The following APC2 variants were observed in gnomAD, a reference collection of about 807,000 sequenced individuals.
APC2 encodes APC regulator of Wnt signaling pathway 2.
A neutral mutation model predicts 72.5 loss-of-function variants in APC2; 41 were observed. The ratio of observed to expected loss-of-function variants is 0.57; its 90% CI spans 0.44 to 0.73. The LOEUF is 0.73. APC2 is among the 30% of genes least tolerant of loss of function. APC2 has a pLI of 0.00. For missense variants in APC2, 3,729 were observed against 3,403.4 expected, an observed-to-expected ratio of 1.10 and a Z score of -2.38; for synonymous variants, 1,898 against 1,612.0, an observed-to-expected ratio of 1.18 and a Z score of -4.25.
chr19:1,466,762 A>G lies in APC2; in HGVS notation c.3461A>G (p.Glu1154Gly). ...PSSSSENYVQETPLVLSRCSS... is the reference protein window; with the variant it reads ...PSSSSENYVQGTPLVLSRCSS... ...AGCTCGTCGGAGAACTACGTGCAGGAGACACCGCTTGTGCTGAGCCGCTGC... is the reference window on the plus strand; with the variant it reads ...AGCTCGTCGGAGAACTACGTGCAGGGGACACCGCTTGTGCTGAGCCGCTGC... The change falls in exon 15 of 15, where the codon GAG (glutamate) becomes GGG (glycine). Residue 1154 changes from glutamate (E) to glycine (G), a missense_variant. Coordinates refer to ENST00000590469, the MANE Select transcript of APC2 (RefSeq NM_005883.3). 1 of 1,550,178 alleles carries G rather than the reference A, an allele frequency of 6.5e-7. No individual in the cohort carries two copies. The highest frequency in any genetic ancestry group is 8.7e-7 in the Non-Finnish European group (1 of 1,147,808).
chr19:1,469,508 C>T lies in APC2; in HGVS notation c.6207C>T (p.Gly2069=). 1 of 1,136,264 alleles carries T rather than the reference C, an allele frequency of 8.8e-7. No homozygotes were observed. Among genetic ancestry groups the T allele is most frequent in the Non-Finnish European group, 1.1e-6 (1 of 924,362 alleles). 70.4% of individuals were successfully genotyped at this position (1,136,264 alleles called of 1,614,324 possible). Residue 2069 remains glycine, a synonymous_variant, in exon 15 of 15, where the codon GGC becomes GGT. Coordinates refer to ENST00000590469, the MANE Select transcript of APC2 (RefSeq NM_005883.3). ...QRPPAARPSP[G]ERPARRTTSE... is the part of the protein sequence containing the mutation. ...CCCCCGCGGCCCGACCCAGCCCTGG[C>T]GAGCGCCCTGCCCGGCGCACCACCT...
intron 1 of APC2, chr19:1,451,394 C>G (rs528585421): frequency 6.5e-6 from 1 of 152,922 alleles, no homozygotes; most frequent in East Asian, 1.9e-4. Flanking sequence ...GGGGCTCGAG[C>G]CAGACCCCAG....
chr19:1,457,655 G>T, intron 9 of APC2: 1 of 521,346 alleles, frequency 1.9e-6, no homozygotes, highest in Non-Finnish European at 3.5e-6. Context: ...CTGAGATCAT[G>T]CTACTGCACT....
In APC2 at chr19:1,469,005, G is replaced by A. The variant is rs1279467487; in HGVS notation, c.5704G>A (p.Gly1902Ser). The A allele has an allele frequency of 1.3e-6, 2 of 1,554,422 alleles. No individual in the cohort carries two copies. The highest frequency in any genetic ancestry group is 8.7e-7 in the Non-Finnish European group (1 of 1,154,274). Residue 1902 changes from glycine to serine, a missense_variant, in exon 15 of 15, where the codon GGC becomes AGC. Transcript: ENST00000590469. ...CACCCAGGCTGCTGGGGCCCTGCCC[G>A]GCCCCGGAGCCTCCCCGGTGCCCAA... ...PVTQAAGALPGPGASPVPKTP... is the reference protein window; with the variant it reads ...PVTQAAGALPSPGASPVPKTP...
At chr19:1,456,738 A>T in intron 8 of APC2, 115 bp from the exon 9 acceptor site, 3 of 1,304,298 alleles carry the variant, frequency 2.3e-6, no homozygotes, top group Non-Finnish European at 2.1e-6. Context: ...TCTGTCCCCC[A>T]GGTGGGCGTG....
intron 9 of APC2, 158 bp downstream of exon 9, chr19:1,457,401 G>A (rs1221096947): frequency 2.7e-6 from 3 of 1,105,660 alleles, no homozygotes; most frequent in Non-Finnish European, 2.4e-6. Context: ...GGCATTTGAC[G>A]TTGGGAAAAG....
At position 1,468,351 on chromosome 19, in the gene APC2, G is replaced by C. The variant is rs577913943; in HGVS notation, c.5050G>C (p.Val1684Leu). 7.7e-6 allele frequency: 12 copies of C among 1,567,776 alleles called. No homozygotes were observed. In the African/African-American group the frequency reaches 1.4e-4, roughly 18 times the overall value. The stretch of plus-strand genomic sequence containing the variant: ...GGACCGGGCCTCCGACCTGGATAGC[G>C]TGGAGTGGCGCGCCATCCAGGAGGG... ...GSDRASDLDS[V>L]EWRAIQEGAN... is the part of the protein sequence containing the mutation. Residue 1684 changes from valine to leucine, a missense_variant, in exon 15 of 15, where the codon GTG (valine) becomes CTG (leucine). Coordinates refer to ENST00000590469, the MANE Select transcript of APC2 (RefSeq NM_005883.3).
In APC2 at chr19:1,456,333, G is replaced by A. The variant is rs866502550; in HGVS notation, c.745G>A (p.Val249Met). Reference protein sequence around the residue: ...QALLAVKSVPVDEDPETEVPT... With the variant: ...QALLAVKSVPMDEDPETEVPT... ...CTTGCTGGCGGTGAAGTCGGTGCCG[G>A]TGGACGAGGACCCCGAGACAGAGGT... The change falls in exon 8 of 15, where the codon GTG becomes ATG. Residue 249 changes from valine (V) to methionine (M), a missense_variant. Physicochemically the swap from Val to Met is conservative, Grantham distance 21 (BLOSUM62 1). Transcript: ENST00000590469. 3 of 1,609,344 alleles carry A rather than the reference G, an allele frequency of 1.9e-6. No individual in the cohort carries two copies. In the South Asian group the frequency reaches 3.3e-5, roughly 18 times the overall value.
At position 1,471,912 on chromosome 19, in the gene APC2, A is replaced by G. The variant is rs977052024; in HGVS notation, c.*1699A>G. 5 of 152,126 alleles carry G rather than the reference A, an allele frequency of 3.3e-5. No individual in the cohort carries two copies. Among genetic ancestry groups the G allele is most frequent in the African/African-American group, 1.2e-4 (5 of 41,324 alleles). 9.4% of individuals were successfully genotyped at this position (152,126 alleles called of 1,614,324 possible). A position where few individuals can be genotyped will look rare whatever the true frequency, so the allele number is the denominator to read the frequency against. ...CTGAATGCATGTCACGCTGCACCCC[A>G]TGCTCCGGGCCCACACCCTGCAGGA... On this transcript the variant is annotated 3_prime_UTR_variant, in exon 15 of 15. Coordinates refer to ENST00000590469, the MANE Select transcript of APC2 (RefSeq NM_005883.3).
At chr19:1,455,279 G>A (rs778577691) in intron 5 of APC2, 22 bp downstream of exon 5, 1 of 1,565,398 alleles carries the variant, frequency 6.4e-7, no homozygotes, top group Admixed American at 2.0e-5. Context: ...GGGGAGCCAG[G>A]GGGCAGCGCG....
Position 1,460,910 on chromosome 19 carries a change from G to GC in APC2, c.1521+57dup, listed in dbSNP as rs1487373404. On this transcript the variant is annotated intron_variant, in intron 12 of 14. Coordinates refer to ENST00000590469, the MANE Select transcript of APC2 (RefSeq NM_005883.3). The stretch of plus-strand genomic sequence containing the variant: ...TCCAGGGTGTCCCTGATAGGCAGAG[G>GC]CCCCTCCCCAGCGGTGTGGTGGGCT... The GC allele has an allele frequency of 4.4e-6, 7 of 1,602,370 alleles. No homozygotes were observed. The African/African-American group carries it at 9.4e-5, about 22-fold the overall frequency.
At chr19:1,463,204 G>A (rs952263873) in intron 14 of APC2, among the ~76,000 whole-genome samples, 1 of 151,946 alleles carries the variant, frequency 6.6e-6, no homozygotes, top group Non-Finnish European at 1.5e-5. Flanking sequence ...AGGTCACAAA[G>A]TCAGGAGATC....
chr19:1,468,746 G>T lies in APC2; in HGVS notation c.5445G>T (p.Pro1815=). 6.7e-7 allele frequency: 1 copy of T among 1,497,678 alleles called. No homozygotes were observed. 92.8% of individuals were successfully genotyped at this position (1,497,678 alleles called of 1,614,324 possible). ...GGACCCCCGGCCCCCGCGCCACACC[G>T]CGGAAGGTGGCGCCCCCTTGCCTGG... ...PKGTPGPRAT[P]RKVAPPCLAQ... is the part of the protein sequence containing the mutation. The change falls in exon 15 of 15, where the codon CCG becomes CCT. Residue 1815 remains proline (P), a synonymous_variant. Transcript: ENST00000590469.
At chr19:1,457,450 G>A (rs2083852395) in intron 9 of APC2, 9 of 701,566 alleles carry the variant, frequency 1.3e-5, no homozygotes, top group South Asian at 2.1e-5. Flanking sequence ...GTAAACGCTC[G>A]GGAAGTCGCT....
In APC2 at chr19:1,469,556, T is replaced by C; in HGVS notation, c.6255T>C (p.Pro2085=). The C allele has an allele frequency of 3.3e-6, 4 of 1,228,452 alleles. No individual in the cohort carries two copies. The highest frequency in any genetic ancestry group is 3.1e-6 in the Non-Finnish European group (3 of 970,542). The allele number at this position is 1,228,452 out of a possible 1,614,324, so 76.1% of individuals were successfully genotyped here. A position where few individuals can be genotyped will look rare whatever the true frequency, so the allele number is the denominator to read the frequency against. The part of the protein sequence containing the change: ...RTTSESPSRL[P]VRAPAARPET... ...CCTCCGAGAGCCCGTCCCGCCTGCC[T>C]GTGCGCGCGCCCGCCGCCCGGCCGG... The change falls in exon 15 of 15, where the codon CCT becomes CCC. Residue 2085 remains proline, a synonymous_variant. Coordinates refer to ENST00000590469, the MANE Select transcript of APC2 (RefSeq NM_005883.3).
rs776679183 is a variant in APC2, at chr19:1,453,094, C to G, written c.93C>G (p.Asp31Glu). ...GCCACCTGAGGCAGGAGCTAAGGGA[C>G]AACTCCAGCCACCTGTCCAAGCTGG... The part of the protein sequence containing the change: ...ENSHLRQELR[D>E]NSSHLSKLET... Residue 31 changes from aspartate (D) to glutamate (E), a missense_variant, in exon 2 of 15, where the codon GAC (aspartate) becomes GAG (glutamate). Physicochemically the swap from Asp to Glu is conservative, Grantham distance 45. Coordinates refer to ENST00000590469, the MANE Select transcript of APC2 (RefSeq NM_005883.3). 20 of 1,608,270 alleles carry G rather than the reference C, an allele frequency of 1.2e-5. No individual in the cohort carries two copies. The Admixed American group carries it at 2.7e-4, about 22-fold the overall frequency.
rs939271156 is a variant in APC2, at chr19:1,467,250, G to A, written c.3949G>A (p.Gly1317Arg). 248 of 1,314,648 alleles carry A rather than the reference G, an allele frequency of 1.9e-4. 1 individual carries two copies. The highest frequency in any genetic ancestry group is 2.3e-4 in the Non-Finnish European group (243 of 1,037,522). The allele number at this position is 1,314,648 out of a possible 1,614,324, so 81.4% of individuals were successfully genotyped here. A position where few individuals can be genotyped will look rare whatever the true frequency, so the allele number is the denominator to read the frequency against. ...GAGGAGLHFA[G>R]HRRREEGPAP... ...CGGGGGCGCCGGCCTCCACTTTGCA[G>A]GGCACCGGCGGCGGGAGGAGGGGCC... Residue 1317 changes from glycine to arginine, a missense_variant, in exon 15 of 15, where the codon GGG becomes AGG. Coordinates refer to ENST00000590469, the MANE Select transcript of APC2 (RefSeq NM_005883.3).
rs374622076 is a variant in APC2 at position 1,461,217 on chromosome 19, C to T, written c.1638+64C>T. On this transcript the variant is annotated intron_variant, in intron 13 of 14. Transcript: ENST00000590469. ...ACTGGAAGGAGACTGCTGGCGGCAGCGGGCGAGCTCTCCGACTTGGGAGGA... is the reference window on the plus strand; with the variant it reads ...ACTGGAAGGAGACTGCTGGCGGCAGTGGGCGAGCTCTCCGACTTGGGAGGA... The T allele has an allele frequency of 3.7e-5, 51 of 1,397,170 alleles. 1 individual carries two copies. Among genetic ancestry groups the T allele is most frequent in the South Asian group, 1.2e-4 (10 of 86,686 alleles). The allele number at this position is 1,397,170 out of a possible 1,614,324, so 86.5% of individuals were successfully genotyped here. A position where few individuals can be genotyped will look rare whatever the true frequency, so the allele number is the denominator to read the frequency against.
At position 1,466,343 on chromosome 19, in the gene APC2, G is replaced by A. The variant is rs751837509; in HGVS notation, c.3042G>A (p.Glu1014=). The A allele has an allele frequency of 6.4e-7, 1 of 1,558,636 alleles. No homozygotes were observed. Among genetic ancestry groups the A allele is most frequent in the Admixed American group, 1.8e-5 (1 of 55,306 alleles). ...AGGGTGCCTCAAGGGCGGGTGCAGA[G>A]CCCCTCGCGGGGCCTGGAATCTCTC... ...LLEGASRAGA[E]PLAGPGISPG... The change falls in exon 15 of 15, where the codon GAG becomes GAA. Residue 1014 remains glutamate, a synonymous_variant. Transcript: ENST00000590469.
Sources: gnomAD v4.1 joint callset for allele counts (sites outside exome capture counted in the v4.1 genomes callset) on GRCh38, gnomAD v4.1.1 for gene constraint, MANE v1.5 for transcripts, NCBI Gene and HGNC (gene_info 2026-07-23, HGNC 2026-07-21) for gene names.